Variants in SLC12A2 observed in about 807,000 individuals in gnomAD.
SLC12A2 encodes solute carrier family 12 member 2.
SLC12A2 carries 67 observed loss-of-function variants against 136.3 expected under a neutral mutation model. The ratio of observed to expected loss-of-function variants is 0.49; its 90% CI spans 0.40 to 0.60. The LOEUF (loss-of-function observed/expected upper bound fraction) is 0.60. SLC12A2 is among the 20% of genes least tolerant of loss of function. SLC12A2 has a pLI of 0.00. For missense variants in SLC12A2, 1,322 were observed against 1,534.7 expected (o/e 0.86, Z 2.32); for synonymous variants, 619 against 562.9 (o/e 1.10, Z -1.41).
At chr5:128,162,155 C>CA (rs975415120) in intron 17 of SLC12A2, among the ~76,000 whole-genome samples, 10 of 152,004 alleles carry the variant, frequency 6.6e-5, no homozygotes, top group African/African-American at 2.4e-4. Flanking sequence ...TTGATAAGCA[C>CA]AGGGTTAAGA....
chr5:128,147,801 CT>C, intron 11 of SLC12A2, 72 bp downstream of exon 11: 1 of 922,184 alleles, frequency 1.1e-6, no homozygotes, highest in African/African-American at 1.7e-5. Flanking sequence ...AGAATTGTTG[CT>C]ATTTTCAAAT....
intron 1 of SLC12A2, among the ~76,000 whole-genome samples, chr5:128,092,838 TTTC>T (rs1760386800): frequency 6.6e-6 from 1 of 152,150 alleles, no homozygotes; most frequent in Non-Finnish European, 1.5e-5. Flanking sequence ...GATTTTCATT[TTTC>T]TTCTTGGATA....
intron 1 of SLC12A2, among the ~76,000 whole-genome samples, chr5:128,096,677 C>G (rs1215096996): frequency 1.3e-5 from 2 of 151,934 alleles, no homozygotes; most frequent in African/African-American, 2.4e-5. Context: ...TACTAACTTA[C>G]CTATAAATTT....
intron 1 of SLC12A2, chr5:128,110,153 A>AACT: frequency 1.2e-6 from 1 of 860,732 alleles, no homozygotes; most frequent in Non-Finnish European, 2.0e-6. Context: ...CTTTGACTAG[A>AACT]AAGGTGAAGA....
chr5:128,087,044 A>G (rs1163754744), intron 1 of SLC12A2, among the ~76,000 whole-genome samples: 1 of 152,224 alleles, frequency 6.6e-6, no homozygotes, highest in African/African-American at 2.4e-5. Context: ...AGAAGAAAAG[A>G]AGTAAAATAC....
chr5:128,121,856 A>G (rs1761593964), intron 4 of SLC12A2, among the ~76,000 whole-genome samples: 1 of 152,140 alleles, frequency 6.6e-6, no homozygotes, highest in South Asian at 2.1e-4. Context: ...CTTGGATTTT[A>G]TAGAGTTTCC....
At chr5:128,134,297 T>C (rs778637444) in intron 6 of SLC12A2, 22 bp downstream of exon 6, 8 of 1,159,736 alleles carry the variant, frequency 6.9e-6, no homozygotes, top group Non-Finnish European at 1.0e-5. Context: ...TAGGAACACC[T>C]GTAAATATTT....
chr5:128,159,026 T>G (rs1408218723), intron 16 of SLC12A2, among the ~76,000 whole-genome samples: 2 of 152,216 alleles, frequency 1.3e-5, no homozygotes, highest in African/African-American at 2.4e-5. Flanking sequence ...GGTAGTTGTT[T>G]TTTTCAAAAT....
In SLC12A2 at chr5:128,148,859, C is replaced by T. The variant is rs34725111; in HGVS notation, c.1987C>T (p.Leu663Phe). The change falls in exon 12 of 27, where the codon CTT (leucine) becomes TTT (phenylalanine). Residue 663 changes from leucine to phenylalanine, a missense_variant. Coordinates refer to ENST00000262461, the MANE Select transcript of SLC12A2 (RefSeq NM_001046.3). ...RGYILTFLIALGFILIAELNV... is the reference protein window; with the variant it reads ...RGYILTFLIAFGFILIAELNV... ...CTACATCTTAACATTCTTAATTGCACTTGGATTCATCTTAATTGGTTAGTT... is the reference window on the plus strand; with the variant it reads ...CTACATCTTAACATTCTTAATTGCATTTGGATTCATCTTAATTGGTTAGTT... 6.2e-7 allele frequency: 1 copy of T among 1,600,456 alleles called. No individual in the cohort carries two copies. The highest frequency in any genetic ancestry group is 8.5e-7 in the Non-Finnish European group (1 of 1,174,718).
intron 24 of SLC12A2, among the ~76,000 whole-genome samples, chr5:128,183,360 T>C (rs1763768417): frequency 6.6e-6 from 1 of 152,090 alleles, no homozygotes; most frequent in Admixed American, 6.5e-5. Flanking sequence ...AAATGGTATA[T>C]ACAGGTTGTT....
At chr5:128,177,464 G>A (rs1763573110) in intron 21 of SLC12A2, 1 of 197,734 alleles carries the variant, frequency 5.1e-6, no homozygotes, top group Admixed American at 6.2e-5. Context: ...ACTGAAATAG[G>A]TTTTATTTGC....
intron 23 of SLC12A2, among the ~76,000 whole-genome samples, chr5:128,182,653 T>C (rs1763740634): frequency 6.6e-6 from 1 of 152,132 alleles, no homozygotes; most frequent in East Asian, 1.9e-4. Context: ...GAAAGTAAAA[T>C]ACTCAGTGAT....
Position 128,188,289 on chromosome 5 carries a change from CTTTTTTTTTTTTT to C in SLC12A2, c.*1670_*1682del, listed in dbSNP as rs71949635. Reference sequence around the variant, plus strand: ...AAATTTATGCAGGTTTTCACGAATCCTTTTTTTTTTTTTTTTTTTTTTTTGAGACGGAGTCTTG... The same window carrying C: ...AAATTTATGCAGGTTTTCACGAATCCTTTTTTTTTTTGAGACGGAGTCTTG... On this transcript the variant is annotated 3_prime_UTR_variant, in exon 27 of 27. Coordinates refer to ENST00000262461, the MANE Select transcript of SLC12A2 (RefSeq NM_001046.3). 2 of 85,514 alleles carry C rather than the reference CTTTTTTTTTTTTT, an allele frequency of 2.3e-5. No individual in the cohort carries two copies. Among genetic ancestry groups the C allele is most frequent in the Non-Finnish European group, 4.3e-5 (2 of 46,130 alleles). 5.3% of individuals were successfully genotyped at this position (85,514 alleles called of 1,614,324 possible).
chr5:128,109,291 A>G (rs990568005), intron 1 of SLC12A2, among the ~76,000 whole-genome samples: 18 of 152,228 alleles, frequency 1.2e-4, no homozygotes, highest in Non-Finnish European at 1.9e-4. Context: ...TAGGCGTGCC[A>G]GGGCACAGGT....
At chr5:128,156,717 C>G (rs1370132851) in intron 15 of SLC12A2, among the ~76,000 whole-genome samples, 1 of 152,166 alleles carries the variant, frequency 6.6e-6, no homozygotes, top group African/African-American at 2.4e-5. Flanking sequence ...TTTGGTCACT[C>G]AGAACCCACG....
intron 16 of SLC12A2, among the ~76,000 whole-genome samples, chr5:128,160,919 C>G (rs987332001): frequency 1.3e-5 from 2 of 151,874 alleles, no homozygotes; most frequent in Non-Finnish European, 2.9e-5. Context: ...ACTGACCCCA[C>G]TTGGGACTTG....
intron 1 of SLC12A2, among the ~76,000 whole-genome samples, chr5:128,111,441 A>G (rs1418717053): frequency 6.6e-6 from 1 of 152,208 alleles, no homozygotes; most frequent in Non-Finnish European, 1.5e-5. Flanking sequence ...GTGGTAGCAC[A>G]GAACTTGCTG....
rs575808970 is a variant in SLC12A2, at chr5:128,138,974, T to C, written c.1621+66T>C. On this transcript the variant is annotated intron_variant, in intron 9 of 26. Transcript: ENST00000262461. ...ATGATGTACGTACTATAAATACTTA[T>C]TTTTATGACATTTGCTAACTTTTTT... is the stretch of plus-strand genomic sequence containing the variant. 75 of 1,064,390 alleles carry C rather than the reference T, an allele frequency of 7.0e-5. No individual in the cohort carries two copies. The African/African-American group carries it at 1.0e-3, about 14-fold the overall frequency. The allele number at this position is 1,064,390 out of a possible 1,614,324, so 65.9% of individuals were successfully genotyped here. A position where few individuals can be genotyped will look rare whatever the true frequency, so the allele number is the denominator to read the frequency against.
intron 1 of SLC12A2, among the ~76,000 whole-genome samples, chr5:128,102,028 C>G (rs951432332): frequency 6.6e-6 from 1 of 151,998 alleles, no homozygotes; most frequent in African/African-American, 2.4e-5. Flanking sequence ...TAATGTTTTA[C>G]AGTATTTATT....
Sources: allele counts gnomAD v4.1 joint callset (sites outside exome capture counted in the v4.1 genomes callset), GRCh38; gene constraint gnomAD v4.1.1; transcripts MANE v1.5; gene names NCBI Gene and HGNC (gene_info 2026-07-23, HGNC 2026-07-21).